Variants in RPS6KC1 observed in about 807,000 individuals in gnomAD.
RPS6KC1 encodes the protein inactive ribosomal protein S6 kinase delta-1.
Under a neutral mutation model 103.8 loss-of-function variants are expected in RPS6KC1, and 54 were observed. The ratio of observed to expected loss-of-function variants is 0.52; its 90% CI spans 0.42 to 0.65. RPS6KC1 has a LOEUF of 0.65. Ranked by LOEUF, RPS6KC1 falls within the 30% of genes least tolerant of loss-of-function variation. The pLI, the probability that RPS6KC1 is intolerant of heterozygous loss-of-function variation, is 0.00. For synonymous variants in RPS6KC1, 439 were observed against 438.7 expected, an observed-to-expected ratio of 1.00 and a Z score of -0.01; for missense variants, 1,151 against 1,253.8, an observed-to-expected ratio of 0.92 and a Z score of 1.24.
At chr1:213,771,581 A>G in the RPS6KC1 span, among the ~76,000 whole-genome samples, 1 of 152,226 alleles carries the variant, frequency 6.6e-6, no homozygotes, top group Admixed American at 6.5e-5. Context: ...TCAGTGGTAT[A>G]ATACATCCTC....
chr1:213,590,548 AG>A, the RPS6KC1 span, among the ~76,000 whole-genome samples: 2 of 152,184 alleles, frequency 1.3e-5, no homozygotes, highest in Non-Finnish European at 2.9e-5. Flanking sequence ...CTGAGGCCTC[AG>A]AGGACATGTG....
At chr1:213,735,467 T>A in the RPS6KC1 span, among the ~76,000 whole-genome samples, 1 of 152,180 alleles carries the variant, frequency 6.6e-6, no homozygotes. Context: ...AGTTCTAAAG[T>A]GGATAATCAC....
chr1:213,453,665 G>C, the RPS6KC1 span, among the ~76,000 whole-genome samples: 14 of 152,218 alleles, frequency 9.2e-5, no homozygotes, highest in Non-Finnish European at 1.6e-4. Context: ...TGTAGAAATG[G>C]TAAGCACTTT....
chr1:213,374,587 G>C, the RPS6KC1 span, among the ~76,000 whole-genome samples: 1 of 152,138 alleles, frequency 6.6e-6, no homozygotes, highest in Non-Finnish European at 1.5e-5. Context: ...GAGAGGGAGG[G>C]CATGCCAGGA....
intron 6 of RPS6KC1, among the ~76,000 whole-genome samples, chr1:213,156,967 T>G (rs1017213285): frequency 6.6e-6 from 1 of 152,146 alleles, no homozygotes; most frequent in African/African-American, 2.4e-5. Flanking sequence ...TTGCTTTAAT[T>G]TTTTAGAATT....
At chr1:213,276,988 A>G (rs2095113847), downstream of RPS6KC1, among the ~76,000 whole-genome samples, 1 of 152,184 alleles carries the variant, frequency 6.6e-6, no homozygotes, top group Non-Finnish European at 1.5e-5. Flanking sequence ...TAATCAGAGT[A>G]AAAAATGGAT....
the RPS6KC1 span, among the ~76,000 whole-genome samples, chr1:213,287,618 C>G: frequency 6.6e-6 from 1 of 152,094 alleles, no homozygotes; most frequent in South Asian, 2.1e-4. Flanking sequence ...TTTGTTCTTT[C>G]AAGAACTTTA....
chr1:213,517,796 G>T, the RPS6KC1 span, among the ~76,000 whole-genome samples: 1 of 152,154 alleles, frequency 6.6e-6, no homozygotes. Flanking sequence ...TTAACTTTCT[G>T]TCTCGTCGAT....
the RPS6KC1 span, among the ~76,000 whole-genome samples, chr1:213,807,890 T>C: frequency 9.2e-5 from 14 of 152,304 alleles, no homozygotes; most frequent in East Asian, 2.1e-3. Flanking sequence ...CTGTGTTTTT[T>C]CCCCATCTTT....
At chr1:213,154,483 C>T (rs1039953358) in intron 6 of RPS6KC1, among the ~76,000 whole-genome samples, 1 of 152,214 alleles carries the variant, frequency 6.6e-6, no homozygotes. Flanking sequence ...CAGTTCTTCC[C>T]ACTCTTCCTT....
chr1:213,197,780 C>T (rs1302435157), intron 8 of RPS6KC1, among the ~76,000 whole-genome samples: 1 of 152,120 alleles, frequency 6.6e-6, no homozygotes, highest in Non-Finnish European at 1.5e-5. Context: ...CTCCTGCTTA[C>T]TTTCGGCTTT....
chr1:213,412,778 G>C, the RPS6KC1 span, among the ~76,000 whole-genome samples: 7 of 152,346 alleles, frequency 4.6e-5, no homozygotes, highest in African/African-American at 1.7e-4. Context: ...TGCTCTGCAA[G>C]TTGGCTGCTT....
chr1:213,490,146 G>A, the RPS6KC1 span, among the ~76,000 whole-genome samples: 4 of 152,122 alleles, frequency 2.6e-5, no homozygotes, highest in East Asian at 3.9e-4. Flanking sequence ...GGATGGAGAA[G>A]GGCTTATTTC....
intron 14 of RPS6KC1, among the ~76,000 whole-genome samples, chr1:213,268,587 A>G (rs1268370697): frequency 6.8e-6 from 1 of 147,986 alleles, no homozygotes. Context: ...TGTATATATA[A>G]ATATATATTT....
downstream of RPS6KC1, among the ~76,000 whole-genome samples, chr1:213,278,646 C>G (rs1377725284): frequency 2.6e-5 from 4 of 152,198 alleles, no homozygotes; most frequent in Non-Finnish European, 4.4e-5. Context: ...ACCCCTCCCT[C>G]CCATTATGGG....
the RPS6KC1 span, among the ~76,000 whole-genome samples, chr1:213,814,486 T>A: frequency 6.6e-6 from 1 of 152,216 alleles, no homozygotes; most frequent in Admixed American, 6.5e-5. Context: ...TATGCTTTCT[T>A]GGATCCATCA....
At chr1:213,231,929 C>G (rs965788391) in intron 9 of RPS6KC1, among the ~76,000 whole-genome samples, 194 bp from the exon 10 acceptor site, 3 of 152,226 alleles carry the variant, frequency 2.0e-5, no homozygotes, top group Admixed American at 6.5e-5. Flanking sequence ...CATCTTCCTT[C>G]TCTGGATTCA....
the RPS6KC1 span, among the ~76,000 whole-genome samples, chr1:213,281,246 A>T: frequency 6.6e-6 from 1 of 152,230 alleles, no homozygotes; most frequent in African/African-American, 2.4e-5. Context: ...ACTTGCGCAT[A>T]TACCTGTCTT....
At chr1:213,757,970 C>A in the RPS6KC1 span, among the ~76,000 whole-genome samples, 2 of 152,150 alleles carry the variant, frequency 1.3e-5, no homozygotes, top group Non-Finnish European at 2.9e-5. Flanking sequence ...ATGGTTAACT[C>A]AATATTTTGA....
Sources: gnomAD v4.1 joint callset for allele counts (sites outside exome capture counted in the v4.1 genomes callset) on GRCh38, gnomAD v4.1.1 for gene constraint, MANE v1.5 for transcripts, NCBI Gene and HGNC (gene_info 2026-07-23, HGNC 2026-07-21) for gene names.